The following INO80D variants were observed in gnomAD, a reference collection of about 807,000 sequenced individuals.
INO80D encodes INO80 complex subunit D.
A neutral mutation model predicts 87.6 loss-of-function variants in INO80D; 21 were observed. That is an observed-to-expected ratio of 0.24 (90% CI 0.17 to 0.35). The LOEUF is 0.35. INO80D is among the 10% of genes least tolerant of loss of function. The pLI is 1.00. For missense variants in INO80D, 982 were observed against 1,280.7 expected (o/e 0.77, Z 3.56); for synonymous variants, 440 against 491.0 (o/e 0.90, Z 1.37).
intron 5 of INO80D, among the ~76,000 whole-genome samples, chr2:206,039,074 C>T (rs758149967): frequency 2.0e-5 from 3 of 152,108 alleles, no homozygotes; most frequent in Admixed American, 6.6e-5. Flanking sequence ...GTGGGACTTA[C>T]GACATACAGA....
At chr2:206,015,521 T>C (rs1480000242) in intron 8 of INO80D, among the ~76,000 whole-genome samples, 1 of 152,166 alleles carries the variant, frequency 6.6e-6, no homozygotes, top group East Asian at 1.9e-4. Flanking sequence ...CTACATAGTG[T>C]TCAGCCTGCA....
chr2:206,043,588 C>G (rs1022436683), intron 5 of INO80D, among the ~76,000 whole-genome samples: 1 of 151,868 alleles, frequency 6.6e-6, no homozygotes. Flanking sequence ...CCCAGGTTCA[C>G]GCCATTCTCC....
intron 8 of INO80D, among the ~76,000 whole-genome samples, chr2:206,012,051 A>T (rs1575799038): frequency 6.6e-6 from 1 of 152,128 alleles, no homozygotes; most frequent in Admixed American, 6.5e-5. Context: ...TATAATCCCA[A>T]CACTTTGGGA....
At chr2:206,073,126 C>T (rs1447772904) in intron 1 of INO80D, among the ~76,000 whole-genome samples, 2 of 152,158 alleles carry the variant, frequency 1.3e-5, no homozygotes, top group Non-Finnish European at 2.9e-5. Flanking sequence ...CGTGAGCCAC[C>T]ACAACCAGCC....
intron 5 of INO80D, among the ~76,000 whole-genome samples, chr2:206,032,702 T>C (rs1208440419): frequency 6.6e-6 from 1 of 152,160 alleles, no homozygotes; most frequent in Non-Finnish European, 1.5e-5. Flanking sequence ...GCCAAGAATT[T>C]TGTATCAAGC....
In INO80D at chr2:206,055,849, C is replaced by T. The variant is rs570711454; in HGVS notation, c.964+349G>A. ...TACATTATAACAACTGTTTTCATAG[C>T]ATTTACATTATATCAGGTATTATAC... is the stretch of plus-strand genomic sequence containing the variant. On this transcript the variant is annotated intron_variant, in intron 4 of 10. Transcript: ENST00000403263. 2.0e-5 allele frequency among the ~76,000 whole-genome samples: 3 copies of T among 152,262 alleles called. No individual in the cohort carries two copies. In the East Asian group the frequency reaches 5.8e-4, roughly 29 times the overall value.
Position 206,001,456 on chromosome 2 carries a change from T to C in INO80D, c.*2912A>G, listed in dbSNP as rs1687907057. The C allele has an allele frequency of 6.6e-6, 1 of 152,180 alleles. No homozygotes were observed. Among genetic ancestry groups the C allele is most frequent in the African/African-American group, 2.4e-5 (1 of 41,436 alleles). 9.4% of individuals were successfully genotyped at this position (152,180 alleles called of 1,614,324 possible). A position where few individuals can be genotyped will look rare whatever the true frequency, so the allele number is the denominator to read the frequency against. ...GGTTCAACACTAGAATAAAAGCTAG[T>C]TTCTACCTATTTAGGACCTTATATA... On this transcript the variant is annotated 3_prime_UTR_variant, in exon 11 of 11. Coordinates refer to ENST00000403263, the MANE Select transcript of INO80D (RefSeq NM_017759.5).
intron 3 of INO80D, among the ~76,000 whole-genome samples, chr2:206,061,234 ACTC>A (rs141847213): frequency 0.047 from 7,113 of 150,644 alleles, 236 homozygotes; most frequent in African/African-American, 0.084. Context: ...CTGGTCTTGA[ACTC>A]CTAGGCTCAA....
At chr2:206,081,249 T>C (rs767093618) in intron 1 of INO80D, among the ~76,000 whole-genome samples, 19 of 152,184 alleles carry the variant, frequency 1.2e-4, no homozygotes, top group Admixed American at 2.6e-4. Flanking sequence ...ATCCTACCCT[T>C]ACGTTTTTCC....
chr2:206,031,512 G>A (rs1282377026), intron 5 of INO80D, among the ~76,000 whole-genome samples: 1 of 152,138 alleles, frequency 6.6e-6, no homozygotes, highest in Non-Finnish European at 1.5e-5. Flanking sequence ...CCCTGCCACC[G>A]CTATCACCAC....
chr2:206,044,233 T>C (rs1475791815), intron 5 of INO80D, among the ~76,000 whole-genome samples: 2 of 152,000 alleles, frequency 1.3e-5, no homozygotes, highest in Non-Finnish European at 2.9e-5. Context: ...AGGACAGAGA[T>C]TCCTCTTAGA....
chr2:206,083,831 A>G (rs915875112), intron 1 of INO80D, among the ~76,000 whole-genome samples: 6 of 149,644 alleles, frequency 4.0e-5, no homozygotes, highest in South Asian at 2.1e-4. Flanking sequence ...GACACCGCAC[A>G]TAAACACAAC....
In INO80D at chr2:206,056,692, T is replaced by A. The variant is rs1466489327; in HGVS notation, c.470A>T (p.Asp157Val). The A allele has an allele frequency of 6.2e-7, 1 of 1,613,570 alleles. No individual in the cohort carries two copies. The highest frequency in any genetic ancestry group is 8.5e-7 in the Non-Finnish European group (1 of 1,179,782). The change falls in exon 4 of 11, where the codon GAT becomes GTT. Residue 157 changes from aspartate to valine, a missense_variant. Asp to Val is a radical substitution (Grantham distance 152, BLOSUM62 -3). Coordinates refer to ENST00000403263, the MANE Select transcript of INO80D (RefSeq NM_017759.5). ...LEDPFAFNEE[D>V]DDLKKGATVR... ...AGTTGCCCCTTTCTTTAGGTCATCA[T>A]CTTCCTCATTGAAAGCAAATGGGTC...
intron 5 of INO80D, among the ~76,000 whole-genome samples, chr2:206,040,184 T>C (rs1287651234): frequency 6.7e-6 from 1 of 149,162 alleles, no homozygotes. Context: ...TCCCAGCTAC[T>C]CAGGAAACTG....
At chr2:206,014,830 G>A (rs186935473) in intron 8 of INO80D, among the ~76,000 whole-genome samples, 3 of 152,260 alleles carry the variant, frequency 2.0e-5, no homozygotes, top group Non-Finnish European at 4.4e-5. Flanking sequence ...AAAAATGTGG[G>A]AAAGTTTGGA....
At chr2:206,070,264 C>T (rs917475064) in intron 1 of INO80D, among the ~76,000 whole-genome samples, 3 of 151,342 alleles carry the variant, frequency 2.0e-5, no homozygotes, top group Admixed American at 1.3e-4. Context: ...AAAAACAAAA[C>T]AACACAAAAA....
In INO80D at chr2:206,000,170, C is replaced by T. The variant is rs1279789575; in HGVS notation, c.*4198G>A. On this transcript the variant is annotated 3_prime_UTR_variant, in exon 11 of 11. Transcript: ENST00000403263. ...CCATAATATTAGATTTCTATATATA[C>T]CAGATTAAGAACAGTATTTTTAAAG... 1 of 151,734 alleles carries T rather than the reference C, an allele frequency of 6.6e-6. No homozygotes were observed. The highest frequency in any genetic ancestry group is 1.5e-5 in the Non-Finnish European group (1 of 67,954). 9.4% of individuals were successfully genotyped at this position (151,734 alleles called of 1,614,324 possible).
chr2:206,035,346 A>G (rs1422848305), intron 5 of INO80D, among the ~76,000 whole-genome samples: 2 of 151,834 alleles, frequency 1.3e-5, no homozygotes, highest in African/African-American at 4.8e-5. Context: ...AAACTATACT[A>G]TAAGGCCACA....
chr2:206,080,723 C>T (rs948039925), intron 1 of INO80D, among the ~76,000 whole-genome samples: 6 of 151,524 alleles, frequency 4.0e-5, no homozygotes, highest in East Asian at 1.9e-4. Context: ...CTGGCTAACA[C>T]GGTGAAACCC....
Sources: allele counts gnomAD v4.1 joint callset (sites outside exome capture counted in the v4.1 genomes callset), GRCh38; gene constraint gnomAD v4.1.1; transcripts MANE v1.5; gene names NCBI Gene and HGNC (gene_info 2026-07-23, HGNC 2026-07-21).